Variants in SNX22 observed in about 807,000 individuals in gnomAD.
The protein encoded by SNX22 is sorting nexin 22.
A neutral mutation model predicts 24.7 loss-of-function variants in SNX22; 23 were observed. That is an observed-to-expected ratio of 0.93 (90% CI 0.67 to 1.32). SNX22 has a LOEUF of 1.32. Ranked by LOEUF, SNX22 falls within the 40% of genes most tolerant of loss-of-function variation. SNX22 has a pLI of 0.00. For missense variants in SNX22, 261 were observed against 249.9 expected, an observed-to-expected ratio of 1.04 and a Z score of -0.30; for synonymous variants, 99 against 104.0, an observed-to-expected ratio of 0.95 and a Z score of 0.29.
intron 3 of SNX22, 104 bp from the exon 4 acceptor site, chr15:64,153,141 C>T: frequency 4.3e-6 from 6 of 1,406,276 alleles, no homozygotes; most frequent in Non-Finnish European, 5.9e-6. Context: ...CTGTCATTGT[C>T]GTGAAATTCT....
intron 1 of SNX22, 73 bp from the exon 2 acceptor site, chr15:64,152,170 C>T (rs1197632514): frequency 1.5e-6 from 2 of 1,298,000 alleles, no homozygotes; most frequent in East Asian, 3.1e-5. Flanking sequence ...GTGGGCACGT[C>T]GCCAGGCGCA....
At chr15:64,153,084 A>ACAGCGCC (rs1436898866) in intron 3 of SNX22, 161 bp from the exon 4 acceptor site, 3 of 837,384 alleles carry the variant, frequency 3.6e-6, no homozygotes, top group Non-Finnish European at 3.7e-6. Context: ...ACCTGTGCAC[A>ACAGCGCC]CAGCGCCCAG....
chr15:64,151,741 G>C lies in SNX22; in HGVS notation c.-35G>C, dbSNP rs189940553. On this transcript the variant is annotated 5_prime_UTR_variant, in exon 1 of 7. Transcript: ENST00000325881. ...CGCTCCGGGAGAGTTAGGGCTCCGA[G>C]CCGAGCGCGCGGAGCAGCTGGGGCC... is the stretch of plus-strand genomic sequence containing the variant. The C allele has an allele frequency of 6.6e-7, 1 of 1,523,804 alleles. No homozygotes were observed. The highest frequency in any genetic ancestry group is 1.4e-5 in the African/African-American group (1 of 70,214). 94.4% of individuals were successfully genotyped at this position (1,523,804 alleles called of 1,614,324 possible).
Position 64,153,939 on chromosome 15 carries a change from C to G in SNX22, c.397C>G (p.Gln133Glu). The G allele has an allele frequency of 6.2e-7, 1 of 1,612,214 alleles. No individual in the cohort carries two copies. Among genetic ancestry groups the G allele is most frequent in the Non-Finnish European group, 8.5e-7 (1 of 1,179,170 alleles). Residue 133 changes from glutamine (Q) to glutamate (E), a missense_variant, in exon 6 of 7, where the codon CAG becomes GAG. Gln to Glu is a conservative substitution (Grantham distance 29). Coordinates refer to ENST00000325881, the MANE Select transcript of SNX22 (RefSeq NM_024798.3). ...REFLPGDSSS[Q>E]QHQRPVLSFH... Reference sequence around the variant, plus strand: ...CATGACCCTGTTTCCTCCCAGCTCCCAGCAGCACCAGCGGCCTGTCCTGAG... The same window carrying G: ...CATGACCCTGTTTCCTCCCAGCTCCGAGCAGCACCAGCGGCCTGTCCTGAG...
rs1290605695 is a variant in SNX22 at position 64,155,150 on chromosome 15, G to A, written c.*642G>A. On this transcript the variant is annotated 3_prime_UTR_variant, in exon 7 of 7. Transcript: ENST00000325881. ...GGCTAATTTTTGTATTTTTAATAGA[G>A]ATGGGTTTCACCACGTTGGCCAGGC... The A allele has an allele frequency of 6.6e-6, 1 of 151,648 alleles. No homozygotes were observed. The highest frequency in any genetic ancestry group is 1.5e-5 in the Non-Finnish European group (1 of 68,006). The allele number at this position is 151,648 out of a possible 1,614,324, so 9.4% of individuals were successfully genotyped here.
At position 64,155,937 on chromosome 15, in the gene SNX22, A is replaced by T. The variant is rs1297220216; in HGVS notation, c.*1429A>T. 13 of 1,599,034 alleles carry T rather than the reference A, an allele frequency of 8.1e-6. No individual in the cohort carries two copies. Among genetic ancestry groups the T allele is most frequent in the Non-Finnish European group, 1.1e-5 (13 of 1,169,754 alleles). On this transcript the variant is annotated 3_prime_UTR_variant, in exon 7 of 7. Transcript: ENST00000325881. ...GAGTGGGTCCGCTCCACCAGATGCCAGCACCGGGGCCAGTGCAGCTCAGAG... is the reference window on the plus strand; with the variant it reads ...GAGTGGGTCCGCTCCACCAGATGCCTGCACCGGGGCCAGTGCAGCTCAGAG...
chr15:64,154,033 G>A, intron 6 of SNX22, 31 bp downstream of exon 6: 1 of 1,614,096 alleles, frequency 6.2e-7, no homozygotes, highest in Non-Finnish European at 8.5e-7. Context: ...GGGGCTACAG[G>A]GCTGGGTTGT....
At position 64,156,209 on chromosome 15, in the gene SNX22, G is replaced by C. The variant is rs554627987; in HGVS notation, c.*1701G>C. ...CAGGAGGTCCACCGCTCAGGAGAAA[G>C]GCCCCAGCGTATGGCTCAGGAGGGC... On this transcript the variant is annotated 3_prime_UTR_variant, in exon 7 of 7. Coordinates refer to ENST00000325881, the MANE Select transcript of SNX22 (RefSeq NM_024798.3). This position sits in a 1 kb window ranked among gnomAD's most constrained non-coding sequence, Gnocchi z 6.4. 3,895 of 1,602,348 alleles carry C rather than the reference G, an allele frequency of 2.4e-3. 61 individuals are homozygous for C. The South Asian group carries it at 0.027, about 11-fold the overall frequency.
In SNX22 at chr15:64,157,013, T is replaced by C; in HGVS notation, c.*2505T>C. The C allele has an allele frequency of 8.2e-7, 1 of 1,217,358 alleles. No homozygotes were observed. The highest frequency in any genetic ancestry group is 1.2e-6 in the Non-Finnish European group (1 of 857,700). The allele number at this position is 1,217,358 out of a possible 1,614,324, so 75.4% of individuals were successfully genotyped here. ...GCTTAACCTGTCCTCTGTGCCAGGC[T>C]AGGCTGGAGTGGACTACAAGGACAT... is the stretch of plus-strand genomic sequence containing the variant. On this transcript the variant is annotated 3_prime_UTR_variant, in exon 7 of 7. Coordinates refer to ENST00000325881, the MANE Select transcript of SNX22 (RefSeq NM_024798.3). The surrounding 1 kb of genome is among the most constrained non-coding windows in gnomAD (Gnocchi z 4.2).
In SNX22 at chr15:64,156,829, TGGCCATGCTC is replaced by T. The variant is rs137853868; in HGVS notation, c.*2322_*2331del. The stretch of plus-strand genomic sequence containing the variant: ...GAGCCGTTGGTGTCTTTGCCTGCGT[TGGCCATGCTC>T]ACCCAGCCAGGCCCGTAGTGCTTCA... On this transcript the variant is annotated 3_prime_UTR_variant, in exon 7 of 7. Coordinates refer to ENST00000325881, the MANE Select transcript of SNX22 (RefSeq NM_024798.3). The surrounding 1 kb of genome is among the most constrained non-coding windows in gnomAD (Gnocchi z 6.4). The T allele has an allele frequency of 1.2e-6, 2 of 1,614,218 alleles. No homozygotes were observed. Among genetic ancestry groups the T allele is most frequent in the Admixed American group, 3.3e-5 (2 of 60,036 alleles).
chr15:64,151,978 T>G (rs2140175381), intron 1 of SNX22, 128 bp downstream of exon 1: 1 of 1,003,216 alleles, frequency 1.0e-6, no homozygotes, highest in East Asian at 3.1e-5. Flanking sequence ...GGGGGAAACC[T>G]TGTCGAGGGT....
At chr15:64,151,909 C>A in intron 1 of SNX22, 59 bp downstream of exon 1, 1 of 1,459,400 alleles carries the variant, frequency 6.9e-7, no homozygotes. Context: ...CCCCGCGCTG[C>A]GCTCAGTGGG....
chr15:64,152,475 T>G, intron 2 of SNX22, 149 bp downstream of exon 2: 4 of 1,193,376 alleles, frequency 3.4e-6, no homozygotes, highest in Non-Finnish European at 4.8e-6. Context: ...CGGGCCTCTG[T>G]GGGTGGGTTG....
rs530809123 is a variant in SNX22 at position 64,153,090 on chromosome 15, C to T, written c.265-155C>T. The T allele has an allele frequency of 5.9e-5, 53 of 891,096 alleles. No homozygotes were observed. In the African/African-American group the frequency reaches 8.1e-4, roughly 14 times the overall value. 55.2% of individuals were successfully genotyped at this position (891,096 alleles called of 1,614,324 possible). ...TGGGGTACAACCTGTGCACACAGCG[C>T]CCAGCGCCCAGAAGGGCCCTGAGCC... is the stretch of plus-strand genomic sequence containing the variant. On this transcript the variant is annotated intron_variant, in intron 3 of 6. Transcript: ENST00000325881.
At chr15:64,153,491 T>G (rs1429369894) in intron 4 of SNX22, 152 bp downstream of exon 4, 2 of 1,479,260 alleles carry the variant, frequency 1.4e-6, no homozygotes, top group Middle Eastern at 1.8e-4. Flanking sequence ...GGCTTTTTTT[T>G]GGACAGACTT....
chr15:64,153,448 C>A, intron 4 of SNX22, 109 bp downstream of exon 4: 1 of 1,555,796 alleles, frequency 6.4e-7, no homozygotes, highest in East Asian at 2.3e-5. Context: ...CCAGCATGAC[C>A]GCCCTCACCA....
rs934750511 is a variant in SNX22, at chr15:64,151,739, G to A, written c.-37G>A. The A allele has an allele frequency of 2.0e-6, 3 of 1,523,164 alleles. No individual in the cohort carries two copies. Among genetic ancestry groups the A allele is most frequent in the Middle Eastern group, 2.0e-4 (1 of 4,982 alleles). The allele number at this position is 1,523,164 out of a possible 1,614,324, so 94.4% of individuals were successfully genotyped here. A position where few individuals can be genotyped will look rare whatever the true frequency, so the allele number is the denominator to read the frequency against. On this transcript the variant is annotated 5_prime_UTR_variant, in exon 1 of 7. Transcript: ENST00000325881. ...TCCGCTCCGGGAGAGTTAGGGCTCCGAGCCGAGCGCGCGGAGCAGCTGGGG... is the reference window on the plus strand; with the variant it reads ...TCCGCTCCGGGAGAGTTAGGGCTCCAAGCCGAGCGCGCGGAGCAGCTGGGG...
At chr15:64,154,206 T>A in intron 6 of SNX22, 181 bp from the exon 7 acceptor site, 1 of 1,576,426 alleles carries the variant, frequency 6.3e-7, no homozygotes, top group Non-Finnish European at 8.6e-7. Flanking sequence ...GCAGCCTGAC[T>A]TCTTTACCAA....
intron 2 of SNX22, 136 bp from the exon 3 acceptor site, chr15:64,152,502 C>T (rs890480372): frequency 4.1e-6 from 5 of 1,210,984 alleles, no homozygotes; most frequent in African/African-American, 1.5e-5. Context: ...TCCTCGCCCT[C>T]GGCCGGTCCA....
Sources: gnomAD v4.1 joint callset for allele counts on GRCh38, gnomAD v4.1.1 for gene constraint, Gnocchi (gnomAD v3.1) non-coding constraint, MANE v1.5 for transcripts, NCBI Gene and HGNC (gene_info 2026-07-23, HGNC 2026-07-21) for gene names.